Variants in PCLO observed in about 807,000 individuals in gnomAD.
PCLO encodes protein piccolo.
Under a neutral mutation model 427.5 loss-of-function variants are expected in PCLO, and 82 were observed. The ratio of observed to expected loss-of-function variants is 0.19; its 90% CI spans 0.16 to 0.23. The LOEUF (loss-of-function observed/expected upper bound fraction) is 0.23, where lower values mean the gene tolerates loss of function less well. Ranked by LOEUF, PCLO falls within the 10% of genes least tolerant of loss-of-function variation. The pLI, the probability that PCLO is intolerant of heterozygous loss-of-function variation, is 1.00. For missense variants in PCLO, 6,239 were observed against 6,115.9 expected, an observed-to-expected ratio of 1.02 and a Z score of -0.67; for synonymous variants, 2,357 against 2,155.4, an observed-to-expected ratio of 1.09 and a Z score of -2.59.
rs778604385 is a variant in PCLO, at chr7:83,162,472, T to A, written c.121A>T (p.Met41Leu). 2.5e-6 allele frequency: 4 copies of A among 1,585,250 alleles called. No individual in the cohort carries two copies. The highest frequency in any genetic ancestry group is 3.4e-6 in the Non-Finnish European group (4 of 1,165,618). ...SPSHTAIPAGMEADLSQLSEE... is the reference protein window; with the variant it reads ...SPSHTAIPAGLEADLSQLSEE... ...CTCAGCTGGCTCAAATCCGCCTCCA[T>A]GCCGGCCGGGATCGCGGTGTGAGAG... The change falls in exon 1 of 25, where the codon ATG (methionine) becomes TTG (leucine). Residue 41 changes from methionine (M) to leucine (L), a missense_variant. Around this residue, in one of 5 missense-constraint regions of PCLO, gnomAD observed 4,677 missense variants for 4,468.4 expected, o/e 1.05. Transcript: ENST00000333891.
chr7:82,863,639 A>AAAAC (rs1214629434), intron 10 of PCLO, among the ~76,000 whole-genome samples: 3 of 152,072 alleles, frequency 2.0e-5, no homozygotes, highest in African/African-American at 4.8e-5. Context: ...GACTAAGAAG[A>AAAAC]AAACAGTTTA....
chr7:83,130,878 T>C (rs1169852052), intron 3 of PCLO, among the ~76,000 whole-genome samples: 3 of 152,204 alleles, frequency 2.0e-5, no homozygotes, highest in African/African-American at 7.2e-5. Context: ...ATCATCTTGC[T>C]AAGGAAGCAA....
At chr7:82,937,816 G>A (rs1411088224) in intron 6 of PCLO, among the ~76,000 whole-genome samples, 1 of 151,816 alleles carries the variant, frequency 6.6e-6, no homozygotes, top group Non-Finnish European at 1.5e-5. Flanking sequence ...TGTTGAAGGT[G>A]TGATTAAATA....
chr7:82,962,984 T>C (rs1795685811), intron 4 of PCLO, among the ~76,000 whole-genome samples: 1 of 151,980 alleles, frequency 6.6e-6, no homozygotes. Flanking sequence ...CTGCAGAATG[T>C]GAAGATTTGA....
intron 3 of PCLO, among the ~76,000 whole-genome samples, chr7:83,064,144 T>A (rs1489543586): frequency 6.6e-6 from 1 of 151,892 alleles, no homozygotes; most frequent in Non-Finnish European, 1.5e-5. Flanking sequence ...GGCTATGAGA[T>A]AAAGATACAA....
intron 3 of PCLO, among the ~76,000 whole-genome samples, chr7:83,000,775 A>C (rs898644710): frequency 5.9e-5 from 9 of 152,218 alleles, no homozygotes; most frequent in African/African-American, 2.2e-4. Context: ...AATAGGTATT[A>C]ACTTGGATCT....
chr7:82,982,399 G>C (rs1027786287), intron 3 of PCLO, among the ~76,000 whole-genome samples: 2 of 152,054 alleles, frequency 1.3e-5, no homozygotes, highest in Admixed American at 6.6e-5. Context: ...AGTCAAAGCA[G>C]AGCATGCTAA....
chr7:83,093,254 T>C (rs1340426102), intron 3 of PCLO, among the ~76,000 whole-genome samples: 4 of 151,532 alleles, frequency 2.6e-5, no homozygotes, highest in African/African-American at 9.7e-5. Context: ...GTTGTCTTAA[T>C]GTATAAATCT....
At chr7:82,897,333 A>G (rs1793928118) in intron 9 of PCLO, among the ~76,000 whole-genome samples, 1 of 151,596 alleles carries the variant, frequency 6.6e-6, no homozygotes, top group Non-Finnish European at 1.5e-5. Flanking sequence ...TTGTTGATAA[A>G]CACTTACATC....
intron 3 of PCLO, among the ~76,000 whole-genome samples, chr7:83,032,824 T>C (rs1431091269): frequency 1.3e-5 from 2 of 152,134 alleles, no homozygotes; most frequent in African/African-American, 4.8e-5. Context: ...ACTCCAAATG[T>C]CTGAGATGCA....
At chr7:82,787,840 T>C (rs1791015860) in intron 22 of PCLO, among the ~76,000 whole-genome samples, 1 of 152,082 alleles carries the variant, frequency 6.6e-6, no homozygotes, top group African/African-American at 2.4e-5. Context: ...TGACCTAAAT[T>C]TTGACCTAGC....
intron 3 of PCLO, among the ~76,000 whole-genome samples, chr7:83,073,870 A>T (rs1056133265): frequency 1.3e-5 from 2 of 151,356 alleles, no homozygotes; most frequent in Non-Finnish European, 3.0e-5. Flanking sequence ...CATGCAATCA[A>T]ACTATATGTG....
intron 6 of PCLO, among the ~76,000 whole-genome samples, chr7:82,925,939 A>T (rs1794703108): frequency 2.0e-5 from 3 of 151,552 alleles, no homozygotes; most frequent in Admixed American, 1.3e-4. Flanking sequence ...GGCTGGTCTC[A>T]AACTCCTGGG....
intron 6 of PCLO, among the ~76,000 whole-genome samples, chr7:82,936,173 A>G (rs1357648714): frequency 1.3e-5 from 2 of 151,672 alleles, no homozygotes; most frequent in Non-Finnish European, 3.0e-5. Context: ...GTTAGGCCAG[A>G]AAACAAGTCT....
In PCLO at chr7:82,755,251, A is replaced by G. The variant is rs1015366138; in HGVS notation, c.*3324T>C. 1.3e-5 allele frequency: 2 copies of G among 152,088 alleles called. No homozygotes were observed. The highest frequency in any genetic ancestry group is 4.8e-5 in the African/African-American group (2 of 41,446). The allele number at this position is 152,088 out of a possible 1,614,324, so 9.4% of individuals were successfully genotyped here. A position where few individuals can be genotyped will look rare whatever the true frequency, so the allele number is the denominator to read the frequency against. On this transcript the variant is annotated 3_prime_UTR_variant, in exon 25 of 25. Transcript: ENST00000333891. ...ACTGGTATGCTGAAAATATGCGTTT[A>G]ATTAGTGTAATTTATTAAAATATGG... is the stretch of plus-strand genomic sequence containing the variant.
At chr7:82,798,730 T>G (rs1358922071) in intron 22 of PCLO, among the ~76,000 whole-genome samples, 1 of 152,194 alleles carries the variant, frequency 6.6e-6, no homozygotes, top group East Asian at 1.9e-4. Flanking sequence ...TCATGCCCAA[T>G]TCATATAGAT....
intron 1 of PCLO, among the ~76,000 whole-genome samples, chr7:83,159,379 A>AT (rs1450825197): frequency 6.6e-6 from 1 of 152,048 alleles, no homozygotes; most frequent in Admixed American, 6.5e-5. Flanking sequence ...TAATCAGAGA[A>AT]TTTTTTTCAA....
At chr7:82,893,439 G>A (rs1207058450) in intron 9 of PCLO, among the ~76,000 whole-genome samples, 1 of 152,032 alleles carries the variant, frequency 6.6e-6, no homozygotes. Flanking sequence ...CAGGGAAGGG[G>A]GGAGGGATAG....
At position 82,955,725 on chromosome 7, in the gene PCLO, C is replaced by T. The variant is rs1206278743; in HGVS notation, c.5228G>A (p.Ser1743Asn). Reference sequence around the variant, plus strand: ...CTCTCCTTTTTTGTGACTCGGGCTACTGTCACTGTCCTCATCAAGTGATGA... The same window carrying T: ...CTCTCCTTTTTTGTGACTCGGGCTATTGTCACTGTCCTCATCAAGTGATGA... ...SVSSLDEDSD[S>N]SPSHKKGESK... Residue 1743 changes from serine to asparagine, a missense_variant, in exon 5 of 25, where the codon AGT becomes AAT. This residue lies in a region of PCLO where 4,677 missense variants were observed against 4,468.4 expected (regional missense o/e 1.05). Transcript: ENST00000333891. The T allele has an allele frequency of 3.7e-6, 6 of 1,613,810 alleles. No individual in the cohort carries two copies. The African/African-American group carries it at 4.0e-5, about 11-fold the overall frequency.
Sources: allele counts gnomAD v4.1 joint callset (sites outside exome capture counted in the v4.1 genomes callset), GRCh38; gene constraint gnomAD v4.1.1; regional missense constraint gnomAD v4.1.1; transcripts MANE v1.5; gene names NCBI Gene and HGNC (gene_info 2026-07-23, HGNC 2026-07-21).